MEF2C: variants seen among roughly 807,000 people sequenced by gnomAD.
MEF2C encodes myocyte enhancer factor 2C.
A neutral mutation model predicts 50.5 loss-of-function variants in MEF2C; 6 were observed. That is an observed-to-expected ratio of 0.12 (90% confidence interval 0.07 to 0.23). The LOEUF (loss-of-function observed/expected upper bound fraction) is 0.23. Ranked by LOEUF, MEF2C falls within the 10% of genes least tolerant of loss-of-function variation. The probability of loss-of-function intolerance (pLI) is 1.00; values close to 1 mark genes in which losing one functional copy is unlikely to be tolerated. For synonymous variants in MEF2C, 183 were observed against 228.0 expected, an observed-to-expected ratio of 0.80 and a Z score of 1.78; for missense variants, 276 against 605.0, an observed-to-expected ratio of 0.46 and a Z score of 5.70.
At chr5:88,801,252 T>C (rs1798186861) in intron 3 of MEF2C, among the ~76,000 whole-genome samples, 1 of 152,184 alleles carries the variant, frequency 6.6e-6, no homozygotes, top group African/African-American at 2.4e-5. Context: ...TGACCCTTCA[T>C]GAAACATATT....
At chr5:88,902,981 C>G (rs1835813865) in intron 1 of MEF2C, among the ~76,000 whole-genome samples, 1 of 151,538 alleles carries the variant, frequency 6.6e-6, no homozygotes, top group African/African-American at 2.4e-5. Context: ...TAAATGTTTT[C>G]AATTTACTAT....
chr5:88,852,810 G>C (rs1271834120), intron 1 of MEF2C, among the ~76,000 whole-genome samples: 3 of 152,230 alleles, frequency 2.0e-5, no homozygotes, highest in African/African-American at 4.8e-5. Flanking sequence ...AGCTACTTGG[G>C]AGGCTGAGGC....
At chr5:88,840,876 G>C (rs1234636720) in intron 1 of MEF2C, among the ~76,000 whole-genome samples, 3 of 152,166 alleles carry the variant, frequency 2.0e-5, no homozygotes, top group Non-Finnish European at 4.4e-5. Flanking sequence ...AAAATCAAAA[G>C]CCTTAGAAAG....
At chr5:88,765,275 C>A (rs1475265852) in intron 3 of MEF2C, among the ~76,000 whole-genome samples, 1 of 152,050 alleles carries the variant, frequency 6.6e-6, no homozygotes, top group African/African-American at 2.4e-5. Context: ...AATCACATAA[C>A]CAGAAAGAAC....
Position 88,842,208 on chromosome 5 carries a change from C to T in MEF2C, c.-142-18278G>A, listed in dbSNP as rs76671637. Among the ~76,000 whole-genome samples the T allele has an allele frequency of 1.3e-4, 20 of 152,208 alleles. No homozygotes were observed. The East Asian group carries it at 1.7e-3, about 13-fold the overall frequency. On this transcript the variant is annotated intron_variant, in intron 1 of 10. Coordinates refer to ENST00000504921, the MANE Select transcript of MEF2C (RefSeq NM_002397.5). ...CTTTGAAATCTGATCCATTAAAATT[C>T]ATCTTTCCTATTGTTGGCTTCTTCA...
chr5:88,875,673 A>G (rs981613178), intron 1 of MEF2C, among the ~76,000 whole-genome samples: 2 of 152,010 alleles, frequency 1.3e-5, no homozygotes, highest in African/African-American at 4.8e-5. Flanking sequence ...GTAATTTAAG[A>G]GGCAGAATTT....
At position 88,720,270 on chromosome 5, in the gene MEF2C, T is replaced by C. The variant is rs1280560424; in HGVS notation, c.*2334A>G. 2 of 152,454 alleles carry C rather than the reference T, an allele frequency of 1.3e-5. No homozygotes were observed. The highest frequency in any genetic ancestry group is 4.8e-5 in the African/African-American group (2 of 41,448). The allele number at this position is 152,454 out of a possible 1,614,324, so 9.4% of individuals were successfully genotyped here. ...GGGATGTTTTTGTTTTTCCTCTGCA[T>C]AAATGTTATTCTTTCATGTTCCATG... On this transcript the variant is annotated 3_prime_UTR_variant, in exon 11 of 11. Coordinates refer to ENST00000504921, the MANE Select transcript of MEF2C (RefSeq NM_002397.5).
At chr5:88,833,578 A>G (rs1813869432) in intron 1 of MEF2C, among the ~76,000 whole-genome samples, 1 of 152,126 alleles carries the variant, frequency 6.6e-6, no homozygotes, top group Admixed American at 6.6e-5. Context: ...CGACTCCAAC[A>G]TGATTGCAAT....
chr5:88,820,645 G>GCT (rs1213110975), intron 2 of MEF2C, among the ~76,000 whole-genome samples: 71 of 152,132 alleles, frequency 4.7e-4, no homozygotes, highest in Middle Eastern at 3.4e-3. Context: ...ATGACAGTGA[G>GCT]CCATTGCATG....
At chr5:88,807,773 G>C (rs1363902842) in intron 2 of MEF2C, among the ~76,000 whole-genome samples, 3 of 152,122 alleles carry the variant, frequency 2.0e-5, no homozygotes, top group Non-Finnish European at 2.9e-5. Flanking sequence ...ACCAGTTATG[G>C]CTATTTGAAG....
chr5:88,814,779 T>C (rs1483350258), intron 2 of MEF2C, among the ~76,000 whole-genome samples: 1 of 152,148 alleles, frequency 6.6e-6, no homozygotes, highest in East Asian at 1.9e-4. Context: ...AACGAGTGTT[T>C]ATTAACAAAC....
intron 1 of MEF2C, among the ~76,000 whole-genome samples, chr5:88,849,936 T>A (rs1046842963): frequency 2.0e-5 from 3 of 152,194 alleles, no homozygotes; most frequent in Non-Finnish European, 2.9e-5. Flanking sequence ...AAATTTATTT[T>A]TTTTGTTTGT....
intron 1 of MEF2C, among the ~76,000 whole-genome samples, chr5:88,901,330 G>GGA (rs1318049083): frequency 6.9e-6 from 1 of 145,808 alleles, no homozygotes; most frequent in African/African-American, 2.5e-5. Context: ...TGGTCAATGA[G>GGA]GAGATACATA....
chr5:88,762,075 A>C (rs1024630830), intron 3 of MEF2C, among the ~76,000 whole-genome samples: 5 of 152,210 alleles, frequency 3.3e-5, no homozygotes, highest in African/African-American at 1.2e-4. Context: ...GTCAATAACT[A>C]CCAAACTAGC....
intron 1 of MEF2C, among the ~76,000 whole-genome samples, chr5:88,873,297 A>G (rs1160380881): frequency 3.9e-5 from 6 of 152,062 alleles, no homozygotes; most frequent in Non-Finnish European, 8.8e-5. Context: ...TTGTTTCAAG[A>G]CATGGCATTG....
At chr5:88,818,211 G>C (rs935022161) in intron 2 of MEF2C, among the ~76,000 whole-genome samples, 1 of 151,740 alleles carries the variant, frequency 6.6e-6, no homozygotes, top group Admixed American at 6.6e-5. Flanking sequence ...CTATGAATAC[G>C]TACAATTATT....
intron 1 of MEF2C, among the ~76,000 whole-genome samples, chr5:88,850,477 GA>G (rs1820922786): frequency 6.6e-6 from 1 of 152,086 alleles, no homozygotes; most frequent in African/African-American, 2.4e-5. Context: ...ACATTTTAAT[GA>G]AAAATAATGG....
intron 6 of MEF2C, chr5:88,734,276 A>G (rs1408839482): frequency 1.0e-6 from 1 of 985,242 alleles, no homozygotes; most frequent in Non-Finnish European, 1.2e-6. Context: ...TCACTTATCT[A>G]TTAAGCCTGT....
chr5:88,823,642 A>G (rs1274924420), intron 2 of MEF2C, 93 bp downstream of exon 2: 4 of 1,195,608 alleles, frequency 3.3e-6, no homozygotes, highest in Non-Finnish European at 4.7e-6. Flanking sequence ...CTTAATAGAT[A>G]TTTACAGATT....
Sources: allele counts gnomAD v4.1 joint callset (sites outside exome capture counted in the v4.1 genomes callset), GRCh38; gene constraint gnomAD v4.1.1; transcripts MANE v1.5; gene names NCBI Gene and HGNC (gene_info 2026-07-23, HGNC 2026-07-21).